The following CTIF variants were observed in gnomAD, a reference collection of about 807,000 sequenced individuals.
CTIF encodes the protein cap binding complex dependent translation initiation factor, also known as CBP80/20-dependent translation initiation factor.
Under a neutral mutation model 66.0 loss-of-function variants are expected in CTIF, and 21 were observed. The observed-to-expected ratio is 0.32, with a 90% CI of 0.23 to 0.46. CTIF has a LOEUF of 0.46. CTIF is among the 20% of genes least tolerant of loss of function. The pLI is 1.00. For synonymous variants in CTIF, 345 were observed against 326.4 expected (o/e 1.06, Z -0.62); for missense variants, 739 against 812.7 (o/e 0.91, Z 1.10).
chr18:48,619,834 G>A, intron 2 of CTIF, 89 bp downstream of exon 2: 2 of 1,276,740 alleles, frequency 1.6e-6, no homozygotes, highest in South Asian at 1.8e-5. Context: ...CCAGTTGCCT[G>A]ACACTAGACC....
At chr18:48,765,931 T>C (rs1029155501) in intron 9 of CTIF, among the ~76,000 whole-genome samples, 1 of 149,788 alleles carries the variant, frequency 6.7e-6, no homozygotes, top group African/African-American at 2.5e-5. Context: ...TTACTTTTTA[T>C]TTTATTTTAT....
intron 7 of CTIF, among the ~76,000 whole-genome samples, chr18:48,739,019 G>A (rs2092530355): frequency 6.6e-6 from 1 of 152,176 alleles, no homozygotes. Context: ...CTTAGCCTCA[G>A]AGTCCAGATT....
chr18:48,805,902 C>T (rs9966601), intron 9 of CTIF, among the ~76,000 whole-genome samples: 123 of 152,354 alleles, frequency 8.1e-4, no homozygotes, highest in Middle Eastern at 3.4e-3. Context: ...GGTCCACACA[C>T]GTTCATTGAA....
intron 9 of CTIF, among the ~76,000 whole-genome samples, chr18:48,781,201 G>A (rs1911177176): frequency 6.6e-6 from 1 of 152,232 alleles, no homozygotes; most frequent in African/African-American, 2.4e-5. Flanking sequence ...CCCAGCGCCA[G>A]CCCCTGTCTG....
chr18:48,676,513 C>T (rs755967017), intron 6 of CTIF, among the ~76,000 whole-genome samples: 7 of 152,198 alleles, frequency 4.6e-5, no homozygotes, highest in African/African-American at 1.2e-4. Context: ...CTAGCAGGGC[C>T]GGCTCCCCTG....
chr18:48,761,441 C>A lies in CTIF; in HGVS notation c.1123C>A (p.Leu375Met). Residue 375 changes from leucine (L) to methionine (M), a missense_variant, in exon 9 of 12, where the codon CTG (leucine) becomes ATG (methionine). By Grantham distance (15) the Leu-to-Met change is conservative. Around this residue, in one of 2 missense-constraint regions of CTIF, gnomAD observed 529 missense variants for 520.3 expected, o/e 1.02. Coordinates refer to ENST00000256413, the MANE Select transcript of CTIF (RefSeq NM_014772.3). The surrounding 1 kb of genome is among the most constrained non-coding windows in gnomAD (Gnocchi z 4.2). ...TCCCCAGCAGAACAAGATGGACAAGCTGATCGAGATCCTGAACAGCATGCG... is the reference window on the plus strand; with the variant it reads ...TCCCCAGCAGAACAAGATGGACAAGATGATCGAGATCCTGAACAGCATGCG... ...TTPQQNKMDK[L>M]IEILNSMRNN... 6.2e-7 allele frequency: 1 copy of A among 1,614,138 alleles called. No individual in the cohort carries two copies. Among genetic ancestry groups the A allele is most frequent in the Non-Finnish European group, 8.5e-7 (1 of 1,180,054 alleles).
intron 1 of CTIF, among the ~76,000 whole-genome samples, chr18:48,587,243 G>A (rs1434576218): frequency 2.0e-5 from 3 of 151,870 alleles, no homozygotes; most frequent in Non-Finnish European, 2.9e-5. Context: ...CACCATGCCC[G>A]GCTAATTTTT....
intron 1 of CTIF, among the ~76,000 whole-genome samples, chr18:48,578,952 C>T (rs960041402): frequency 6.6e-6 from 1 of 152,130 alleles, no homozygotes; most frequent in African/African-American, 2.4e-5. Context: ...TTGTTTTCTT[C>T]TAAGAGGTTC....
chr18:48,707,400 G>A (rs1340043034), intron 6 of CTIF, among the ~76,000 whole-genome samples: 1 of 152,178 alleles, frequency 6.6e-6, no homozygotes, highest in Non-Finnish European at 1.5e-5. Flanking sequence ...GTCATTGGGT[G>A]CCACTTGTCT....
intron 9 of CTIF, among the ~76,000 whole-genome samples, chr18:48,797,496 G>T (rs558327488): frequency 5.3e-5 from 8 of 149,618 alleles, no homozygotes; most frequent in Middle Eastern, 3.4e-3. Context: ...AAGAAAAGGG[G>T]TGGGGGGGCA....
At chr18:48,769,416 G>T (rs56065512) in intron 9 of CTIF, among the ~76,000 whole-genome samples, 21,765 of 152,282 alleles carry the variant, frequency 0.14, 1,654 homozygotes, top group Non-Finnish European at 0.17. Context: ...GAAAAGGGCT[G>T]TTTTTCTAAA....
intron 2 of CTIF, among the ~76,000 whole-genome samples, chr18:48,620,414 A>T (rs2090472719): frequency 6.6e-6 from 1 of 152,214 alleles, no homozygotes; most frequent in African/African-American, 2.4e-5. Context: ...TGCATTAAGG[A>T]TAGGGACCCT....
intron 6 of CTIF, among the ~76,000 whole-genome samples, chr18:48,689,885 T>G (rs954695824): frequency 6.6e-6 from 1 of 152,202 alleles, no homozygotes; most frequent in African/African-American, 2.4e-5. Flanking sequence ...GAATCTGGCT[T>G]GCAGTCATGG....
intron 9 of CTIF, among the ~76,000 whole-genome samples, chr18:48,767,220 G>T (rs897715913): frequency 4.6e-5 from 7 of 152,218 alleles, no homozygotes; most frequent in Non-Finnish European, 1.0e-4. Flanking sequence ...AGTTTCCTTG[G>T]ATCCTCATCA....
chr18:48,730,987 G>A (rs1189572637), intron 7 of CTIF, among the ~76,000 whole-genome samples: 3 of 152,144 alleles, frequency 2.0e-5, no homozygotes, highest in African/African-American at 4.8e-5. Context: ...GGCAGGCATG[G>A]GGCAGTTGGG....
chr18:48,676,539 C>T (rs1318557994), intron 6 of CTIF, among the ~76,000 whole-genome samples: 1 of 152,180 alleles, frequency 6.6e-6, no homozygotes, highest in Non-Finnish European at 1.5e-5. Context: ...ACATTGCTGG[C>T]CTTGTCCAGA....
intron 1 of CTIF, among the ~76,000 whole-genome samples, chr18:48,600,288 G>A (rs1333749248): frequency 6.6e-6 from 1 of 152,074 alleles, no homozygotes; most frequent in Admixed American, 6.5e-5. Flanking sequence ...AAGAGTTCAG[G>A]AACTTCCTGA....
intron 3 of CTIF, among the ~76,000 whole-genome samples, chr18:48,652,598 G>A (rs889276108): frequency 6.6e-6 from 1 of 151,202 alleles, no homozygotes; most frequent in Non-Finnish European, 1.5e-5. Context: ...TATTCCAATC[G>A]AAAAACAGGG....
chr18:48,658,854 C>A (rs1053844828), intron 3 of CTIF, among the ~76,000 whole-genome samples: 2 of 152,134 alleles, frequency 1.3e-5, no homozygotes, highest in Non-Finnish European at 2.9e-5. Flanking sequence ...CTTGGGTGCT[C>A]AGCCCAGGGC....
Sources: gnomAD v4.1 joint callset for allele counts (sites outside exome capture counted in the v4.1 genomes callset) on GRCh38, gnomAD v4.1.1 for gene constraint, gnomAD v4.1.1 regional missense constraint, Gnocchi (gnomAD v3.1) non-coding constraint, MANE v1.5 for transcripts, NCBI Gene and HGNC (gene_info 2026-07-23, HGNC 2026-07-21) for gene names.